Variants in MYH3 observed in about 807,000 individuals in gnomAD.
MYH3 encodes myosin heavy chain 3.
MYH3 carries 130 observed loss-of-function variants against 238.0 expected under a neutral mutation model. The observed-to-expected ratio is 0.55, with a 90% CI of 0.47 to 0.63. The LOEUF (loss-of-function observed/expected upper bound fraction) is 0.63, where lower values mean the gene tolerates loss of function less well. MYH3 is among the 30% of genes least tolerant of loss of function. The pLI, the probability that MYH3 is intolerant of heterozygous loss-of-function variation, is 0.00. For synonymous variants in MYH3, 880 were observed against 924.1 expected, an observed-to-expected ratio of 0.95 and a Z score of 0.86; for missense variants, 1,853 against 2,374.9, an observed-to-expected ratio of 0.78 and a Z score of 4.57.
In MYH3 at chr17:10,640,378, C is replaced by G; in HGVS notation, c.2381G>C (p.Arg794Thr). 1 of 1,614,262 alleles carries G rather than the reference C, an allele frequency of 6.2e-7. No homozygotes were observed. Among genetic ancestry groups the G allele is most frequent in the Non-Finnish European group, 8.5e-7 (1 of 1,180,046 alleles). The change falls in exon 21 of 41, where the codon AGA (arginine) becomes ACA (threonine). Residue 794 changes from arginine to threonine, a missense_variant. Coordinates refer to ENST00000583535, the MANE Select transcript of MYH3 (RefSeq NM_002470.4). ...GAATTCCACACGCATGAGGAACCCTCTGCACACAGCTTGTGTCCGGGTGAT... is the reference window on the plus strand; with the variant it reads ...GAATTCCACACGCATGAGGAACCCTGTGCACACAGCTTGTGTCCGGGTGAT... ...KLITRTQAVC[R>T]GFLMRVEFQK...
At position 10,639,329 on chromosome 17, in the gene MYH3, G is replaced by C; in HGVS notation, c.3071C>G (p.Thr1024Ser). The part of the protein sequence containing the change: ...EEDKVNSLNK[T>S]KSKLEQQVED... The stretch of plus-strand genomic sequence containing the variant: ...CACTTGCTGTTCCAGTTTGCTCTTG[G>C]TTTTGTTCAAAGAATTGACTTTGTC... The change falls in exon 24 of 41, where the codon ACC becomes AGC. Residue 1024 changes from threonine (T) to serine (S), a missense_variant. Transcript: ENST00000583535. 1 of 1,614,126 alleles carries C rather than the reference G, an allele frequency of 6.2e-7. No individual in the cohort carries two copies. The highest frequency in any genetic ancestry group is 8.5e-7 in the Non-Finnish European group (1 of 1,180,026).
At chr17:10,634,253 C>A in intron 31 of MYH3, 71 bp from the exon 32 acceptor site, 3 of 1,572,618 alleles carry the variant, frequency 1.9e-6, no homozygotes, top group Non-Finnish European at 1.7e-6. Context: ...TACTAAATAA[C>A]TAAATTAAAT....
chr17:10,638,987 A>G lies in MYH3; in HGVS notation c.3249-24T>C, dbSNP rs147590615. 1.8e-4 allele frequency: 288 copies of G among 1,614,130 alleles called. 2 individuals carry two copies. The East Asian group carries it at 6.3e-3, about 35-fold the overall frequency. ...TCCTGTGAAGAGAAATGTAGAATGCATGAAGACAAAATACACAGTAACTTG... is the reference window on the plus strand; with the variant it reads ...TCCTGTGAAGAGAAATGTAGAATGCGTGAAGACAAAATACACAGTAACTTG... On this transcript the variant is annotated intron_variant, in intron 25 of 40. Coordinates refer to ENST00000583535, the MANE Select transcript of MYH3 (RefSeq NM_002470.4).
At chr17:10,648,995 C>T (rs941334612) in intron 7 of MYH3, among the ~76,000 whole-genome samples, 2 of 152,108 alleles carry the variant, frequency 1.3e-5, no homozygotes, top group African/African-American at 4.8e-5. Context: ...TGTTTTTAAG[C>T]CACAGAATGA....
At chr17:10,657,503 G>C (rs1469380009), upstream of MYH3, among the ~76,000 whole-genome samples, 1 of 152,228 alleles carries the variant, frequency 6.6e-6, no homozygotes, top group Non-Finnish European at 1.5e-5. Context: ...TCCGACCGCA[G>C]AATGTCAGGA....
intron 4 of MYH3, chr17:10,651,948 G>C (rs2074380185): frequency 7.1e-6 from 3 of 421,056 alleles, no homozygotes; most frequent in South Asian, 6.7e-5. Flanking sequence ...TCACCATGTT[G>C]GCCAGAATGG....
upstream of MYH3, among the ~76,000 whole-genome samples, chr17:10,660,814 C>G (rs1567566752): frequency 6.6e-6 from 1 of 151,902 alleles, no homozygotes; most frequent in Non-Finnish European, 1.5e-5. Flanking sequence ...AACCCTGTCT[C>G]TACTAAAAAA....
intron 30 of MYH3, 30 bp from the exon 31 acceptor site, chr17:10,635,053 T>C (rs1354207553): frequency 2.5e-6 from 4 of 1,605,660 alleles, no homozygotes; most frequent in Admixed American, 1.7e-5. Context: ...AAGCAGCTGT[T>C]ATTTCAGTTT....
Position 10,635,494 on chromosome 17 carries a change from C to T in MYH3, c.4045G>A (p.Glu1349Lys). ...HDCDLLREQYEEEQEGKAELQ... is the reference protein window; with the variant it reads ...HDCDLLREQYKEEQEGKAELQ... ...TCAGCTTTGCCTTCCTGCTCCTCCTCATACTGTTCCCGCAGCAGGTCACAG... is the reference window on the plus strand; with the variant it reads ...TCAGCTTTGCCTTCCTGCTCCTCCTTATACTGTTCCCGCAGCAGGTCACAG... Residue 1349 changes from glutamate (E) to lysine (K), a missense_variant, in exon 30 of 41, where the codon GAG (glutamate) becomes AAG (lysine). Coordinates refer to ENST00000583535, the MANE Select transcript of MYH3 (RefSeq NM_002470.4). 1.2e-6 allele frequency: 2 copies of T among 1,614,236 alleles called. No homozygotes were observed. Among genetic ancestry groups the T allele is most frequent in the Non-Finnish European group, 1.7e-6 (2 of 1,180,040 alleles).
At chr17:10,634,391 C>T (rs999853695) in intron 31 of MYH3, among the ~76,000 whole-genome samples, 1 of 152,148 alleles carries the variant, frequency 6.6e-6, no homozygotes, top group Admixed American at 6.5e-5. Flanking sequence ...CTTGAAAAAG[C>T]AAATAGATCC....
At chr17:10,658,763 C>G (rs1162292347), upstream of MYH3, 1 of 152,336 alleles carries the variant, frequency 6.6e-6, no homozygotes, top group African/African-American at 2.4e-5. Context: ...CCTCTCCCTC[C>G]AGGTGAGACT....
intron 12 of MYH3, among the ~76,000 whole-genome samples, chr17:10,645,061 A>G (rs1237504121): frequency 5.5e-5 from 8 of 144,304 alleles, no homozygotes; most frequent in Non-Finnish European, 1.1e-4. Flanking sequence ...TTTTTTTGAG[A>G]CAGTCTTACT....
In MYH3 at chr17:10,644,611, G is replaced by A. The variant is rs376091685; in HGVS notation, c.1233C>T (p.Tyr411=). Residue 411 remains tyrosine, a synonymous_variant, in exon 13 of 41, where the codon TAC becomes TAT. Coordinates refer to ENST00000583535, the MANE Select transcript of MYH3 (RefSeq NM_002470.4). ...GATCCACAGTTTGACCTTTGGTAAC[G>A]TACTCATTCCCAACTTTCACTCTAG... ...CFPRVKVGNE[Y]VTKGQTVDQV... 1.2e-5 allele frequency: 19 copies of A among 1,613,982 alleles called. No individual in the cohort carries two copies. The highest frequency in any genetic ancestry group is 2.2e-5 in the East Asian group (1 of 44,902).
Position 10,645,979 on chromosome 17 carries a change from C to A in MYH3, c.952G>T (p.Glu318Ter). 6.2e-7 allele frequency: 1 copy of A among 1,613,938 alleles called. No homozygotes were observed. Among genetic ancestry groups the A allele is most frequent in the Non-Finnish European group, 8.5e-7 (1 of 1,179,912 alleles). ...TCATCTATGCTGGCCACCAGGATCT[C>A]CCCCTGGCTAATGAACGGGTAGTCG... ...PYDYPFISQG[E>*]ILVASIDDAE... The change falls in exon 11 of 41, where the codon GAG becomes TAG. Residue 318 changes from glutamate (E) to a stop codon, truncating the protein, a stop_gained. Transcript: ENST00000583535. LOFTEE classifies it high-confidence loss of function.
At chr17:10,662,146 C>G (rs1334390505), upstream of MYH3, among the ~76,000 whole-genome samples, 1 of 151,992 alleles carries the variant, frequency 6.6e-6, no homozygotes, top group African/African-American at 2.4e-5. Context: ...CTCAGCCTCC[C>G]AAGTAGCTGG....
chr17:10,649,718 A>T (rs1323048424), intron 6 of MYH3, 33 bp from the exon 7 acceptor site: 1 of 1,602,992 alleles, frequency 6.2e-7, no homozygotes, highest in Non-Finnish European at 8.5e-7. Flanking sequence ...AGAGAAAGAA[A>T]CAAGTCTGTT....
Position 10,642,174 on chromosome 17 carries a change from C to T in MYH3, c.1959+66G>A. ...CTCTCAAATAAATCAAGCTTAGAATCTCAGCATTGCTCATTTAGATGTCAC... is the reference window on the plus strand; with the variant it reads ...CTCTCAAATAAATCAAGCTTAGAATTTCAGCATTGCTCATTTAGATGTCAC... On this transcript the variant is annotated intron_variant, in intron 17 of 40. Transcript: ENST00000583535. The surrounding 1 kb of genome is among the most constrained non-coding windows in gnomAD (Gnocchi z 5.4). 2.1e-6 allele frequency: 3 copies of T among 1,417,286 alleles called. No individual in the cohort carries two copies. In the South Asian group the frequency reaches 3.6e-5, roughly 17 times the overall value. 87.8% of individuals were successfully genotyped at this position (1,417,286 alleles called of 1,614,324 possible). A position where few individuals can be genotyped will look rare whatever the true frequency, so the allele number is the denominator to read the frequency against.
At chr17:10,628,984 G>A (rs555874529) in intron 40 of MYH3, among the ~76,000 whole-genome samples, 80 of 152,298 alleles carry the variant, frequency 5.3e-4, no homozygotes, top group African/African-American at 1.9e-3. Flanking sequence ...GCGCATGAAA[G>A]AGCTCAGTGG....
chr17:10,676,086 G>GA, the MYH3 span: 1 of 152,082 alleles, frequency 6.6e-6, no homozygotes, highest in South Asian at 2.1e-4. Context: ...AACTGTGGTT[G>GA]TTTTTTTCTT....
Sources: allele counts gnomAD v4.1 joint callset (sites outside exome capture counted in the v4.1 genomes callset), GRCh38; gene constraint gnomAD v4.1.1; non-coding constraint Gnocchi (gnomAD v3.1); transcripts MANE v1.5; gene names NCBI Gene and HGNC (gene_info 2026-07-23, HGNC 2026-07-21).